TPD52L1: variants seen among roughly 807,000 people sequenced by gnomAD.
The protein encoded by TPD52L1 is TPD52 like 1.
Under a neutral mutation model 28.7 loss-of-function variants are expected in TPD52L1, and 18 were observed. The ratio of observed to expected loss-of-function variants is 0.63; its 90% CI spans 0.43 to 0.93. TPD52L1 has a LOEUF of 0.93. Ranked by LOEUF, TPD52L1 falls within the 40% of genes least tolerant of loss-of-function variation. The pLI is 0.00. For synonymous variants in TPD52L1, 75 were observed against 88.8 expected (o/e 0.84, Z 0.88); for missense variants, 203 against 254.8 (o/e 0.80, Z 1.39).
intron 1 of TPD52L1, among the ~76,000 whole-genome samples, chr6:125,185,245 A>G (rs759214745): frequency 1.3e-5 from 2 of 152,210 alleles, no homozygotes; most frequent in African/African-American, 2.4e-5. Context: ...GATAGTAGAT[A>G]ACAGGTTAGG....
intron 3 of TPD52L1, 45 bp from the exon 4 acceptor site, chr6:125,248,237 G>A: frequency 3.5e-6 from 5 of 1,445,986 alleles, no homozygotes; most frequent in Non-Finnish European, 4.8e-6. Context: ...AATTGTTTAT[G>A]GGAGATCATG....
intron 6 of TPD52L1, among the ~76,000 whole-genome samples, chr6:125,257,977 T>C (rs183915088): frequency 4.6e-5 from 7 of 152,358 alleles, no homozygotes; most frequent in Non-Finnish European, 1.5e-5. Flanking sequence ...ATTAAGAATA[T>C]ACGTGATCTT....
At chr6:125,165,092 A>ATATATATATTTATTTATTTATTTATT in intron 1 of TPD52L1, among the ~76,000 whole-genome samples, 1 of 104,194 alleles carries the variant, frequency 9.6e-6, no homozygotes, top group Non-Finnish European at 1.7e-5. Context: ...AAAGATATAT[A>ATATATATATTTATTTATTTATTTATT]TATATATTTT....
intron 1 of TPD52L1, among the ~76,000 whole-genome samples, chr6:125,185,779 C>A (rs575289841): frequency 6.6e-6 from 1 of 152,078 alleles, no homozygotes; most frequent in Non-Finnish European, 1.5e-5. Context: ...AATATACAAA[C>A]CCCCTCTGAA....
intron 2 of TPD52L1, among the ~76,000 whole-genome samples, chr6:125,228,423 A>G (rs952780273): frequency 2.6e-5 from 4 of 151,926 alleles, no homozygotes; most frequent in African/African-American, 7.3e-5. Context: ...AACACAAATC[A>G]CTCTTTTACA....
intron 6 of TPD52L1, among the ~76,000 whole-genome samples, chr6:125,258,530 G>C (rs1349996716): frequency 6.6e-6 from 1 of 152,140 alleles, no homozygotes; most frequent in Non-Finnish European, 1.5e-5. Context: ...GGGTTCCATT[G>C]CTTGTTAGAC....
intron 1 of TPD52L1, among the ~76,000 whole-genome samples, chr6:125,209,319 G>A (rs947272522): frequency 2.6e-5 from 4 of 152,148 alleles, no homozygotes; most frequent in East Asian, 3.9e-4. Context: ...AGAGGAAGAC[G>A]AACATAGCTT....
At chr6:125,218,065 T>A (rs1268117526) in intron 1 of TPD52L1, among the ~76,000 whole-genome samples, 1 of 152,236 alleles carries the variant, frequency 6.6e-6, no homozygotes, top group Non-Finnish European at 1.5e-5. Context: ...TGTGCATGTA[T>A]AACATCTAAT....
intron 1 of TPD52L1, among the ~76,000 whole-genome samples, chr6:125,211,180 T>C (rs1477627898): frequency 6.6e-6 from 1 of 152,020 alleles, no homozygotes; most frequent in Non-Finnish European, 1.5e-5. Context: ...TTAGAGGAGA[T>C]GAGAAGGATA....
At chr6:125,254,082 A>T (rs1797442080) in intron 5 of TPD52L1, among the ~76,000 whole-genome samples, 1 of 152,236 alleles carries the variant, frequency 6.6e-6, no homozygotes, top group Admixed American at 6.5e-5. Context: ...CATTTAGCAC[A>T]GTGTCTGAAC....
intron 1 of TPD52L1, among the ~76,000 whole-genome samples, chr6:125,157,213 A>T (rs1790198235): frequency 1.3e-5 from 2 of 152,174 alleles, no homozygotes; most frequent in Admixed American, 6.5e-5. Context: ...GGTAAAGATA[A>T]GTGAGATTAA....
chr6:125,161,089 G>A (rs569003136), intron 1 of TPD52L1, among the ~76,000 whole-genome samples: 1 of 152,272 alleles, frequency 6.6e-6, no homozygotes, highest in East Asian at 1.9e-4. Flanking sequence ...CTGACCTAAG[G>A]TGATCCACCT....
chr6:125,167,833 A>C (rs947277315), intron 1 of TPD52L1, among the ~76,000 whole-genome samples: 1 of 152,018 alleles, frequency 6.6e-6, no homozygotes, highest in Non-Finnish European at 1.5e-5. Flanking sequence ...AATTTTATAC[A>C]TTTGCAAAGC....
intron 1 of TPD52L1, among the ~76,000 whole-genome samples, chr6:125,192,911 A>G (rs1167019537): frequency 2.0e-5 from 3 of 152,212 alleles, no homozygotes; most frequent in African/African-American, 7.2e-5. Flanking sequence ...CATGTCCTCC[A>G]TGGCAAACAT....
intron 1 of TPD52L1, among the ~76,000 whole-genome samples, chr6:125,206,378 TATA>T (rs1298632396): frequency 2.6e-5 from 4 of 152,178 alleles, no homozygotes; most frequent in African/African-American, 9.6e-5. Context: ...TAGTAATGTA[TATA>T]ATATTTTGTA....
chr6:125,166,452 C>A (rs1254755853), intron 1 of TPD52L1, among the ~76,000 whole-genome samples: 1 of 152,060 alleles, frequency 6.6e-6, no homozygotes, highest in African/African-American at 2.4e-5. Flanking sequence ...AGGGTTCCAA[C>A]AGGAAGTTAC....
chr6:125,229,506 G>A (rs1795814544), intron 3 of TPD52L1, among the ~76,000 whole-genome samples: 1 of 152,162 alleles, frequency 6.6e-6, no homozygotes, highest in Non-Finnish European at 1.5e-5. Context: ...TTTTCACTCA[G>A]ACTACTTTCA....
chr6:125,180,542 CATACACACACACACATATATTATAT>C (rs1451035503), intron 1 of TPD52L1, among the ~76,000 whole-genome samples: 1 of 150,308 alleles, frequency 6.7e-6, no homozygotes, highest in Admixed American at 6.6e-5. Flanking sequence ...ATACATTTAC[CATACACACACACACATATATTATAT>C]ATACACACAC....
chr6:125,223,641 G>A (rs549303857), intron 2 of TPD52L1, among the ~76,000 whole-genome samples: 1 of 149,446 alleles, frequency 6.7e-6, no homozygotes, highest in African/African-American at 2.5e-5. Context: ...CCCAGGAGGT[G>A]GAGGTTGCAG....
Sources: allele counts gnomAD v4.1 joint callset (sites outside exome capture counted in the v4.1 genomes callset), GRCh38; gene constraint gnomAD v4.1.1; transcripts MANE v1.5; gene names NCBI Gene and HGNC (gene_info 2026-07-23, HGNC 2026-07-21).